The following ZNF385C variants were observed in gnomAD, a reference collection of about 807,000 sequenced individuals.
ZNF385C encodes zinc finger protein 385C, also known as CTD-2132N18.2.
In ZNF385C, 28 loss-of-function variants were observed where a neutral mutation model predicts 35.4. The observed-to-expected ratio is 0.79, with a 90% CI of 0.59 to 1.08. The LOEUF is 1.08. ZNF385C is among the 50% of genes least tolerant of loss of function. The pLI, the probability that ZNF385C is intolerant of heterozygous loss-of-function variation, is 0.00. For synonymous variants in ZNF385C, 248 were observed against 248.2 expected (o/e 1.00, Z 0.01); for missense variants, 605 against 595.6 (o/e 1.02, Z -0.16).
In ZNF385C at chr17:42,026,836, T is replaced by G. The variant is rs2052588425; in HGVS notation, c.*61A>C. On this transcript the variant is annotated 3_prime_UTR_variant, in exon 9 of 9. Coordinates refer to ENST00000692273, the MANE Select transcript of ZNF385C (RefSeq NM_001392013.1). ...GTGGCATGTAGGAAACCAAGGTGTCTCAGGACAGGAGGAGACAAGGAGTGG... is the reference window on the plus strand; with the variant it reads ...GTGGCATGTAGGAAACCAAGGTGTCGCAGGACAGGAGGAGACAAGGAGTGG... 2.0e-6 allele frequency: 3 copies of G among 1,491,494 alleles called. No homozygotes were observed. The highest frequency in any genetic ancestry group is 2.7e-6 in the Non-Finnish European group (3 of 1,091,518). 92.4% of individuals were successfully genotyped at this position (1,491,494 alleles called of 1,614,324 possible).
At chr17:42,039,427 T>C in intron 2 of ZNF385C, 2 of 339,570 alleles carry the variant, frequency 5.9e-6, no homozygotes. Context: ...GGTGAGCTAC[T>C]CCTCATCTAA....
At chr17:42,068,163 G>A (rs58394379) in intron 1 of ZNF385C, among the ~76,000 whole-genome samples, 7,941 of 152,162 alleles carry the variant, frequency 0.052, 307 homozygotes, top group African/African-American at 0.11. Context: ...AAGTGTGGAC[G>A]GGTGGGCAGT....
chr17:42,040,040 T>C, intron 2 of ZNF385C: 1 of 1,231,008 alleles, frequency 8.1e-7, no homozygotes, highest in Non-Finnish European at 1.0e-6. Flanking sequence ...ACTACGCGCT[T>C]AAACAGCGCG....
chr17:42,064,073 TACACACACACACACACACACACACACAC>T lies in ZNF385C; in HGVS notation c.-2-1043_-2-1016del, dbSNP rs55771386. Among the ~76,000 whole-genome samples the T allele has an allele frequency of 7.1e-4, 92 of 129,834 alleles. 1 individual carries two copies. The highest frequency in any genetic ancestry group is 2.6e-3 in the African/African-American group (91 of 34,778). 85.2% of individuals were successfully genotyped at this position (129,834 alleles called of 152,430 possible). A position where few individuals can be genotyped will look rare whatever the true frequency, so the allele number is the denominator to read the frequency against. The stretch of plus-strand genomic sequence containing the variant: ...GTCCCCCAACGCGCGCACACGCACA[TACACACACACACACACACACACACACAC>T]ACACACACACACACACACTTTCTGT... On this transcript the variant is annotated intron_variant, in intron 1 of 8. Transcript: ENST00000692273.
At chr17:42,077,577 G>A (rs1225305342) in intron 1 of ZNF385C, among the ~76,000 whole-genome samples, 5 of 152,158 alleles carry the variant, frequency 3.3e-5, no homozygotes, top group African/African-American at 1.2e-4. Context: ...GATAAGAGGT[G>A]GTTAAAAGAA....
At position 42,050,509 on chromosome 17, in the gene ZNF385C, G is replaced by A. The variant is rs1555657013; in HGVS notation, c.250+12298C>T. 1.3e-5 allele frequency: 2 copies of A among 152,142 alleles called. No homozygotes were observed. Among genetic ancestry groups the A allele is most frequent in the Admixed American group, 6.5e-5 (1 of 15,270 alleles). The allele number at this position is 152,142 out of a possible 1,614,324, so 9.4% of individuals were successfully genotyped here. A position where few individuals can be genotyped will look rare whatever the true frequency, so the allele number is the denominator to read the frequency against. ...CGCCCGTCCCGCCCGCTCCGGGAGG[G>A]GGCGTCCAGCCCGGCCTGGCGCCCC... On this transcript the variant is annotated intron_variant, in intron 2 of 8. Coordinates refer to ENST00000692273, the MANE Select transcript of ZNF385C (RefSeq NM_001392013.1). The surrounding 1 kb of genome is among the most constrained non-coding windows in gnomAD (Gnocchi z 5.6).
At chr17:42,031,288 G>A (rs2052723350) in intron 5 of ZNF385C, among the ~76,000 whole-genome samples, 1 of 152,138 alleles carries the variant, frequency 6.6e-6, no homozygotes, top group South Asian at 2.1e-4. Context: ...TCCCGCCTCA[G>A]CCTCCCAAAG....
At chr17:42,060,990 C>T (rs2053451710) in intron 2 of ZNF385C, among the ~76,000 whole-genome samples, 1 of 152,124 alleles carries the variant, frequency 6.6e-6, no homozygotes, top group African/African-American at 2.4e-5. Flanking sequence ...GTTGGGATTA[C>T]AGGCGTGAGC....
At chr17:42,091,241 A>C (rs1354411596) in intron 1 of ZNF385C, among the ~76,000 whole-genome samples, 1 of 152,106 alleles carries the variant, frequency 6.6e-6, no homozygotes, top group Non-Finnish European at 1.5e-5. Context: ...GTTTGAAACC[A>C]ATCTGGGCAA....
intron 2 of ZNF385C, chr17:42,038,857 G>A (rs1005737300): frequency 6.4e-4 from 97 of 152,262 alleles, no homozygotes; most frequent in African/African-American, 2.2e-3. Context: ...CCACCAGCTT[G>A]TGTACAGAGA....
At chr17:42,074,045 T>A (rs1443126397) in intron 1 of ZNF385C, among the ~76,000 whole-genome samples, 2 of 152,190 alleles carry the variant, frequency 1.3e-5, no homozygotes, top group African/African-American at 4.8e-5. Flanking sequence ...AGATACCTCC[T>A]TGTCACTCAG....
At chr17:42,037,084 C>T (rs114376232) in intron 3 of ZNF385C, among the ~76,000 whole-genome samples, 37 of 152,096 alleles carry the variant, frequency 2.4e-4, no homozygotes, top group African/African-American at 8.9e-4. Flanking sequence ...TACAAATGCT[C>T]AGACAAGCAG....
Position 42,027,602 on chromosome 17 carries a change from G to A in ZNF385C, c.1275+16C>T, listed in dbSNP as rs2143497275. ...CTCCTGACCCAGTCCCAGCTCTGTTGCCTGGAGACAGATACCTTGAGGATA... is the reference window on the plus strand; with the variant it reads ...CTCCTGACCCAGTCCCAGCTCTGTTACCTGGAGACAGATACCTTGAGGATA... On this transcript the variant is annotated intron_variant, in intron 8 of 8. Coordinates refer to ENST00000692273, the MANE Select transcript of ZNF385C (RefSeq NM_001392013.1). 1.0e-6 allele frequency: 1 copy of A among 962,030 alleles called. No individual in the cohort carries two copies. Among genetic ancestry groups the A allele is most frequent in the East Asian group, 6.6e-5 (1 of 15,090 alleles). 59.6% of individuals were successfully genotyped at this position (962,030 alleles called of 1,614,324 possible).
rs10531219 is a variant in ZNF385C, at chr17:42,026,235, CTT to C, written c.*660_*661del. ...ACTGGGCCCATGAATGCCCAGAAGA[CTT>C]AAGATTAAAACAAAACCCTGGGCCC... is the stretch of plus-strand genomic sequence containing the variant. On this transcript the variant is annotated 3_prime_UTR_variant, in exon 9 of 9. Coordinates refer to ENST00000692273, the MANE Select transcript of ZNF385C (RefSeq NM_001392013.1). The C allele has an allele frequency of 0.17, 25,983 of 152,792 alleles. 2,955 individuals are homozygous for C. The highest frequency in any genetic ancestry group is 0.38 in the East Asian group (1,945 of 5,176). 9.5% of individuals were successfully genotyped at this position (152,792 alleles called of 1,614,324 possible). A position where few individuals can be genotyped will look rare whatever the true frequency, so the allele number is the denominator to read the frequency against.
intron 2 of ZNF385C, chr17:42,040,786 A>G: frequency 8.1e-7 from 1 of 1,232,312 alleles, no homozygotes; most frequent in Non-Finnish European, 1.0e-6. Flanking sequence ...GGCATCCAAT[A>G]TGCTCTCATA....
chr17:42,031,553 C>T lies in ZNF385C; in HGVS notation c.676+66G>A, dbSNP rs2052728322. 4 of 1,504,904 alleles carry T rather than the reference C, an allele frequency of 2.7e-6. No individual in the cohort carries two copies. The Admixed American group carries it at 8.8e-5, about 33-fold the overall frequency. The allele number at this position is 1,504,904 out of a possible 1,614,324, so 93.2% of individuals were successfully genotyped here. Reference sequence around the variant, plus strand: ...AAGCAAAAAGAATAAGCAGAAATCTCTCAACCCCTTGTCGGAAACCAGATT... The same window carrying T: ...AAGCAAAAAGAATAAGCAGAAATCTTTCAACCCCTTGTCGGAAACCAGATT... On this transcript the variant is annotated intron_variant, in intron 5 of 8. Coordinates refer to ENST00000692273, the MANE Select transcript of ZNF385C (RefSeq NM_001392013.1).
At chr17:42,078,521 G>A (rs1355370500) in intron 1 of ZNF385C, among the ~76,000 whole-genome samples, 1 of 151,992 alleles carries the variant, frequency 6.6e-6, no homozygotes, top group Non-Finnish European at 1.5e-5. Flanking sequence ...ATGTGAGGTT[G>A]GTAATGGATT....
chr17:42,052,912 C>T (rs782363624), intron 2 of ZNF385C, among the ~76,000 whole-genome samples: 5 of 152,210 alleles, frequency 3.3e-5, no homozygotes, highest in Non-Finnish European at 7.3e-5. Context: ...GAAGCACATG[C>T]CTGCACACAA....
At position 42,046,975 on chromosome 17, in the gene ZNF385C, G is replaced by A. The variant is rs559797565; in HGVS notation, c.251-9090C>T. Among the ~76,000 whole-genome samples the A allele has an allele frequency of 2.8e-3, 416 of 149,130 alleles. 2 individuals carry two copies. Among genetic ancestry groups the A allele is most frequent in the African/African-American group, 9.9e-3 (399 of 40,406 alleles). ...CCTCCCGGATTCAAGCGATTCTCCC[G>A]CCTCAGCCTCCCAAGTAACTGGGAT... On this transcript the variant is annotated intron_variant, in intron 2 of 8. Transcript: ENST00000692273.
Sources: allele counts gnomAD v4.1 joint callset (sites outside exome capture counted in the v4.1 genomes callset), GRCh38; gene constraint gnomAD v4.1.1; non-coding constraint Gnocchi (gnomAD v3.1); transcripts MANE v1.5; gene names NCBI Gene and HGNC (gene_info 2026-07-23, HGNC 2026-07-21).